The following SYNE2 variants were observed in gnomAD, a reference collection of about 807,000 sequenced individuals.
SYNE2 encodes nesprin-2.
A neutral mutation model predicts 856.3 loss-of-function variants in SYNE2; 431 were observed. That is an observed-to-expected ratio of 0.50 (90% CI 0.47 to 0.55). The LOEUF is 0.55. Ranked by LOEUF, SYNE2 falls within the 20% of genes least tolerant of loss-of-function variation. SYNE2 has a pLI of 0.00. For synonymous variants in SYNE2, 2,923 were observed against 2,872.3 expected (o/e 1.02, Z -0.56); for missense variants, 8,129 against 8,023.2 (o/e 1.01, Z -0.50).
chr14:64,071,954 G>T (rs2097412989), intron 52 of SYNE2, among the ~76,000 whole-genome samples: 1 of 152,070 alleles, frequency 6.6e-6, no homozygotes, highest in African/African-American at 2.4e-5. Context: ...AGAGGTAGAG[G>T]TTGCAGTGAG....
intron 95 of SYNE2, among the ~76,000 whole-genome samples, chr14:64,175,878 T>C (rs1450866607): frequency 2.0e-5 from 3 of 152,216 alleles, no homozygotes; most frequent in Non-Finnish European, 2.9e-5. Flanking sequence ...GTGAATAAAG[T>C]ATCTGAATTT....
Position 64,167,228 on chromosome 14 carries a change from A to C in SYNE2, c.16606-5A>C. The C allele has an allele frequency of 6.2e-7, 1 of 1,614,170 alleles. No individual in the cohort carries two copies. The highest frequency in any genetic ancestry group is 8.5e-7 in the Non-Finnish European group (1 of 1,180,038). Reference sequence around the variant, plus strand: ...AAAACCTGTACTTCAATTTTTTAAAAATAGAATCATGTGCTGGCACTGACA... The same window carrying C: ...AAAACCTGTACTTCAATTTTTTAAACATAGAATCATGTGCTGGCACTGACA... On this transcript the variant is annotated splice_polypyrimidine_tract_variant and splice_region_variant and intron_variant, in intron 90 of 115. Coordinates refer to ENST00000555002, the MANE Select transcript of SYNE2 (RefSeq NM_182914.3).
intron 1 of SYNE2, among the ~76,000 whole-genome samples, chr14:63,837,073 G>A (rs1032576542): frequency 4.6e-5 from 7 of 152,278 alleles, no homozygotes; most frequent in African/African-American, 1.7e-4. Context: ...AATGCTAAGG[G>A]AAACTCTTAA....
intron 65 of SYNE2, among the ~76,000 whole-genome samples, chr14:64,111,289 A>AGATT (rs199630827): frequency 0.082 from 12,013 of 146,196 alleles, 645 homozygotes; most frequent in African/African-American, 0.17. Flanking sequence ...CTGTGATTAC[A>AGATT]GATTAATATT....
chr14:64,162,845 A>C (rs914678554), intron 88 of SYNE2: 2 of 192,456 alleles, frequency 1.0e-5, no homozygotes, highest in East Asian at 2.5e-4. Context: ...AAAACGTGGC[A>C]ACCAATTTAA....
rs776047536 is a variant in SYNE2 at position 64,020,074 on chromosome 14, A to G, written c.5132A>G (p.Glu1711Gly). Residue 1711 changes from glutamate (E) to glycine (G), a missense_variant, in exon 35 of 116, where the codon GAA (glutamate) becomes GGA (glycine). By Grantham distance (98) the Glu-to-Gly change is moderately conservative. Around this residue, in one of 3 missense-constraint regions of SYNE2, gnomAD observed 2,422 missense variants for 2,357.4 expected, o/e 1.03. Coordinates refer to ENST00000555002, the MANE Select transcript of SYNE2 (RefSeq NM_182914.3). The part of the protein sequence containing the change: ...AEIQFLLQSS[E>G]IPLELQVMES... Reference sequence around the variant, plus strand: ...ATACAGTTTTTGCTCCAAAGCAGTGAAATACCTCTTGAATTGCAGGTAAGA... The same window carrying G: ...ATACAGTTTTTGCTCCAAAGCAGTGGAATACCTCTTGAATTGCAGGTAAGA... 6 of 1,613,182 alleles carry G rather than the reference A, an allele frequency of 3.7e-6. No homozygotes were observed. Among genetic ancestry groups the G allele is most frequent in the Non-Finnish European group, 5.1e-6 (6 of 1,179,246 alleles).
intron 1 of SYNE2, among the ~76,000 whole-genome samples, chr14:63,853,365 G>T (rs1183047903): frequency 6.6e-6 from 1 of 151,798 alleles, no homozygotes; most frequent in African/African-American, 2.4e-5. Flanking sequence ...ACTTGTCAGC[G>T]GGCGGGGCGC....
intron 98 of SYNE2, among the ~76,000 whole-genome samples, chr14:64,189,170 C>T (rs2098506029): frequency 6.6e-6 from 1 of 151,994 alleles, no homozygotes; most frequent in Admixed American, 6.6e-5. Context: ...CTCGTCTCTA[C>T]TAAAAATACA....
chr14:64,106,510 G>A (rs574834539), intron 64 of SYNE2, among the ~76,000 whole-genome samples: 11 of 152,098 alleles, frequency 7.2e-5, no homozygotes, highest in South Asian at 4.1e-4. Flanking sequence ...TTAGCTGGGC[G>A]TGGTGGCGGG....
In SYNE2 at chr14:63,800,000, G is replaced by A. The variant is rs547536728; in HGVS notation, c.-305+38014G>A. On this transcript the variant is annotated intron_variant, in intron 1 of 23. Transcript: ENST00000674003. ...GAAGATTTGGCAAGAAGATCTAGACGCATCCAAAGTCTCCTAGAGAATGAC... is the reference window on the plus strand; with the variant it reads ...GAAGATTTGGCAAGAAGATCTAGACACATCCAAAGTCTCCTAGAGAATGAC... Among the ~76,000 whole-genome samples, 48 of 152,226 alleles carry A rather than the reference G, an allele frequency of 3.2e-4. No homozygotes were observed. The South Asian group carries it at 4.6e-3, about 14-fold the overall frequency.
intron 1 of SYNE2, among the ~76,000 whole-genome samples, chr14:63,789,213 C>T (rs1012704326): frequency 2.3e-4 from 35 of 152,274 alleles, no homozygotes; most frequent in African/African-American, 8.4e-4. Flanking sequence ...CTCTTGGTGC[C>T]TATGATCTGC....
chr14:64,037,950 C>A (rs1326387909), intron 45 of SYNE2, among the ~76,000 whole-genome samples: 1 of 151,678 alleles, frequency 6.6e-6, no homozygotes, highest in Non-Finnish European at 1.5e-5. Context: ...CTGACCCCCC[C>A]ACCTCCCTCC....
intron 49 of SYNE2, among the ~76,000 whole-genome samples, chr14:64,057,430 ATGT>A (rs919158599): frequency 6.6e-6 from 1 of 152,004 alleles, no homozygotes; most frequent in African/African-American, 2.4e-5. Flanking sequence ...AGTTCCATTT[ATGT>A]TGTTGCAAAT....
At chr14:64,172,369 A>C (rs1428991843) in intron 94 of SYNE2, among the ~76,000 whole-genome samples, 1 of 152,160 alleles carries the variant, frequency 6.6e-6, no homozygotes, top group African/African-American at 2.4e-5. Context: ...AAGCTCACTC[A>C]CATGACTGAT....
chr14:64,013,503 C>T (rs1236225824), intron 32 of SYNE2, among the ~76,000 whole-genome samples: 1 of 152,050 alleles, frequency 6.6e-6, no homozygotes, highest in Non-Finnish European at 1.5e-5. Context: ...TTTATAGTCC[C>T]CAAGGCCTAT....
In SYNE2 at chr14:64,048,217, A is replaced by T; in HGVS notation, c.7377+62A>T. The T allele has an allele frequency of 1.9e-6, 3 of 1,551,128 alleles. No homozygotes were observed. The South Asian group carries it at 3.5e-5, about 18-fold the overall frequency. On this transcript the variant is annotated intron_variant, in intron 46 of 115. Transcript: ENST00000555002. Reference sequence around the variant, plus strand: ...TCATTTATCCAGTGCAATACAATATATTTTAATTGCCAAAAACTTGCTTGT... The same window carrying T: ...TCATTTATCCAGTGCAATACAATATTTTTTAATTGCCAAAAACTTGCTTGT...
At chr14:64,148,289 T>A (rs1209824655) in intron 84 of SYNE2, among the ~76,000 whole-genome samples, 2 of 152,186 alleles carry the variant, frequency 1.3e-5, no homozygotes, top group East Asian at 1.9e-4. Context: ...TAGTTCAGCC[T>A]GGGTGACAAA....
At chr14:63,832,588 G>A (rs114940507) in intron 1 of SYNE2, among the ~76,000 whole-genome samples, 1,652 of 152,046 alleles carry the variant, frequency 0.011, 24 homozygotes, top group African/African-American at 0.038. Flanking sequence ...TGACAGAAGT[G>A]CATGATTTGG....
intron 66 of SYNE2, among the ~76,000 whole-genome samples, chr14:64,116,400 C>T (rs1370735171): frequency 6.6e-6 from 1 of 152,070 alleles, no homozygotes; most frequent in South Asian, 2.1e-4. Context: ...ATAAGCTGTT[C>T]ATCTTCTTTG....
Sources: allele counts gnomAD v4.1 joint callset (sites outside exome capture counted in the v4.1 genomes callset), GRCh38; gene constraint gnomAD v4.1.1; regional missense constraint gnomAD v4.1.1; transcripts MANE v1.5; gene names NCBI Gene and HGNC (gene_info 2026-07-23, HGNC 2026-07-21).